Variants in FIG4 observed in about 807,000 individuals in gnomAD.
The protein encoded by FIG4 is FIG4 phosphoinositide 5-phosphatase.
A neutral mutation model predicts 118.6 loss-of-function variants in FIG4; 112 were observed. That is an observed-to-expected ratio of 0.94 (90% CI 0.81 to 1.11). The LOEUF is 1.11. FIG4 is among the 50% of genes least tolerant of loss of function. The pLI, the probability that FIG4 is intolerant of heterozygous loss-of-function variation, is 0.00. For missense variants in FIG4, 969 were observed against 1,111.7 expected, an observed-to-expected ratio of 0.87 and a Z score of 1.83; for synonymous variants, 369 against 381.2, an observed-to-expected ratio of 0.97 and a Z score of 0.37.
At chr6:109,719,388 GT>G (rs1219708611) in intron 3 of FIG4, among the ~76,000 whole-genome samples, 5 of 147,776 alleles carry the variant, frequency 3.4e-5, no homozygotes, top group East Asian at 3.9e-4. Flanking sequence ...GTGTGTGTGT[GT>G]TTTTTTTTTC....
intron 1 of FIG4, among the ~76,000 whole-genome samples, chr6:109,704,703 G>C (rs1400114758): frequency 3.4e-5 from 5 of 147,406 alleles, no homozygotes; most frequent in Non-Finnish European, 1.5e-5. Flanking sequence ...AAAAAAGTAG[G>C]CTCTTTAAAA....
rs561988500 is a variant in FIG4, at chr6:109,723,554, A to G, written c.290-3555A>G. Among the ~76,000 whole-genome samples, 47 of 152,172 alleles carry G rather than the reference A, an allele frequency of 3.1e-4. 1 individual carries two copies. Among genetic ancestry groups the G allele is most frequent in the Non-Finnish European group, 6.2e-4 (42 of 68,020 alleles). On this transcript the variant is annotated intron_variant, in intron 3 of 22. Coordinates refer to ENST00000230124, the MANE Select transcript of FIG4 (RefSeq NM_014845.6). ...ATACATTGTTTTGTTTGCCCAACCTATTCACTTTCCAGGGAACTGGCACCA... is the reference window on the plus strand; with the variant it reads ...ATACATTGTTTTGTTTGCCCAACCTGTTCACTTTCCAGGGAACTGGCACCA...
In FIG4 at chr6:109,744,976, C is replaced by T. The variant is rs182108307; in HGVS notation, c.1137+1204C>T. Among the ~76,000 whole-genome samples, 10 of 152,090 alleles carry T rather than the reference C, an allele frequency of 6.6e-5. No individual in the cohort carries two copies. The East Asian group carries it at 7.7e-4, about 12-fold the overall frequency. ...TCCCTGCAAAGGACATGAACTCATC[C>T]TTTTTTACGGCTGCATAGTATTCCA... On this transcript the variant is annotated intron_variant, in intron 10 of 22. Coordinates refer to ENST00000230124, the MANE Select transcript of FIG4 (RefSeq NM_014845.6).
chr6:109,699,059 A>G (rs777043275), intron 1 of FIG4, among the ~76,000 whole-genome samples: 16 of 152,160 alleles, frequency 1.1e-4, no homozygotes, highest in African/African-American at 2.9e-4. Flanking sequence ...CTATTTTTCA[A>G]TGTTTGCTAG....
chr6:109,723,059 C>T (rs2128383014), intron 3 of FIG4, among the ~76,000 whole-genome samples: 1 of 152,348 alleles, frequency 6.6e-6, no homozygotes, highest in Admixed American at 6.5e-5. Context: ...CACAGACTTG[C>T]TGTTCTTAAC....
In FIG4 at chr6:109,691,307, G is replaced by C. The variant is rs1774365183; in HGVS notation, c.-129G>C. On this transcript the variant is annotated 5_prime_UTR_variant, in exon 1 of 23. Transcript: ENST00000230124. Reference sequence around the variant, plus strand: ...ATCCGGAAACACCTGATCATCTATAGGTTTAGTGCCTAATGGGTGTTGTTC... The same window carrying C: ...ATCCGGAAACACCTGATCATCTATACGTTTAGTGCCTAATGGGTGTTGTTC... 1 of 769,630 alleles carries C rather than the reference G, an allele frequency of 1.3e-6. No homozygotes were observed. The highest frequency in any genetic ancestry group is 1.7e-5 in the African/African-American group (1 of 58,220). 47.7% of individuals were successfully genotyped at this position (769,630 alleles called of 1,614,324 possible). A position where few individuals can be genotyped will look rare whatever the true frequency, so the allele number is the denominator to read the frequency against.
chr6:109,793,956 G>A (rs1778208240), intron 21 of FIG4, among the ~76,000 whole-genome samples: 6 of 152,146 alleles, frequency 3.9e-5, no homozygotes, highest in Admixed American at 3.9e-4. Context: ...GAACTCTGTA[G>A]CCAAACTCTG....
At chr6:109,695,849 G>A (rs1018920534) in intron 1 of FIG4, among the ~76,000 whole-genome samples, 2 of 152,192 alleles carry the variant, frequency 1.3e-5, no homozygotes, top group African/African-American at 2.4e-5. Context: ...GTGAAACAGC[G>A]TTGGGAGCCA....
At chr6:109,786,210 C>A in intron 17 of FIG4, 92 bp from the exon 18 acceptor site, 3 of 1,144,908 alleles carry the variant, frequency 2.6e-6, no homozygotes, top group Non-Finnish European at 3.9e-6. Context: ...CAGAGCTTAT[C>A]ACAGTGCTGT....
At chr6:109,784,926 C>G (rs1437940077) in intron 16 of FIG4, 44 bp from the exon 17 acceptor site, 2 of 1,060,650 alleles carry the variant, frequency 1.9e-6, no homozygotes, top group South Asian at 1.4e-5. Flanking sequence ...AGAAAACCAA[C>G]ATTTACATTT....
At chr6:109,705,052 T>G (rs1028466100) in intron 1 of FIG4, among the ~76,000 whole-genome samples, 5 of 152,102 alleles carry the variant, frequency 3.3e-5, no homozygotes, top group Non-Finnish European at 7.4e-5. Context: ...GAAGGGTATA[T>G]GGGTGTTCGT....
intron 22 of FIG4, among the ~76,000 whole-genome samples, chr6:109,822,249 G>A (rs1424774099): frequency 6.6e-6 from 1 of 152,130 alleles, no homozygotes; most frequent in Non-Finnish European, 1.5e-5. Context: ...GGGGCACCTG[G>A]AAGGGGCTTT....
chr6:109,718,986 T>A (rs1244512966), intron 3 of FIG4, among the ~76,000 whole-genome samples: 1 of 151,246 alleles, frequency 6.6e-6, no homozygotes, highest in Non-Finnish European at 1.5e-5. Flanking sequence ...TGGCGCGACC[T>A]TGGCTAACTG....
At chr6:109,778,566 A>G (rs939474598) in intron 16 of FIG4, among the ~76,000 whole-genome samples, 5 of 151,620 alleles carry the variant, frequency 3.3e-5, no homozygotes, top group Non-Finnish European at 7.4e-5. Flanking sequence ...ACAGAGTTGC[A>G]AGTACAGCTC....
intron 10 of FIG4, among the ~76,000 whole-genome samples, 161 bp from the exon 11 acceptor site, chr6:109,760,089 T>C (rs1777055456): frequency 6.6e-6 from 1 of 152,240 alleles, no homozygotes; most frequent in Admixed American, 6.5e-5. Flanking sequence ...CATTTATTTC[T>C]TTGTGTTTTT....
chr6:109,728,173 G>T (rs908779759), intron 4 of FIG4, among the ~76,000 whole-genome samples: 18 of 152,274 alleles, frequency 1.2e-4, no homozygotes, highest in African/African-American at 4.3e-4. Context: ...GTGTCATGAT[G>T]TCTGCTACTT....
At chr6:109,813,356 CAACTT>C (rs1778773245) in intron 22 of FIG4, among the ~76,000 whole-genome samples, 1 of 152,168 alleles carries the variant, frequency 6.6e-6, no homozygotes, top group Non-Finnish European at 1.5e-5. Flanking sequence ...CAGTACACTG[CAACTT>C]TCTAATCCTC....
intron 12 of FIG4, among the ~76,000 whole-genome samples, chr6:109,763,021 C>G (rs1777159213): frequency 6.6e-6 from 1 of 152,224 alleles, no homozygotes; most frequent in South Asian, 2.1e-4. Flanking sequence ...ATAGAACACA[C>G]TTAATTCCCC....
intron 3 of FIG4, among the ~76,000 whole-genome samples, chr6:109,724,331 C>T (rs1364544548): frequency 6.6e-6 from 1 of 152,148 alleles, no homozygotes; most frequent in African/African-American, 2.4e-5. Flanking sequence ...GAAATGTTAC[C>T]AGAGATACTT....
Sources: gnomAD v4.1 joint callset for allele counts (sites outside exome capture counted in the v4.1 genomes callset) on GRCh38, gnomAD v4.1.1 for gene constraint, MANE v1.5 for transcripts, NCBI Gene and HGNC (gene_info 2026-07-23, HGNC 2026-07-21) for gene names.